SLC25A15: variants seen among roughly 807,000 people sequenced by gnomAD.
SLC25A15 encodes mitochondrial ornithine transporter 1.
Under a neutral mutation model 32.3 loss-of-function variants are expected in SLC25A15, and 24 were observed. That is an observed-to-expected ratio of 0.74 (90% CI 0.54 to 1.04). The LOEUF (loss-of-function observed/expected upper bound fraction) is 1.04. SLC25A15 is among the 50% of genes least tolerant of loss of function. The probability of loss-of-function intolerance (pLI) is 0.00; values close to 1 mark genes in which losing one functional copy is unlikely to be tolerated. For synonymous variants in SLC25A15, 132 were observed against 142.1 expected (o/e 0.93, Z 0.51); for missense variants, 317 against 374.5 (o/e 0.85, Z 1.27).
chr13:40,795,865 A>C (rs1297564866), intron 2 of SLC25A15, among the ~76,000 whole-genome samples: 1 of 152,234 alleles, frequency 6.6e-6, no homozygotes, highest in Non-Finnish European at 1.5e-5. Context: ...AAAGGCCCAC[A>C]GAGGAGCAGT....
chr13:40,799,171 A>G lies in SLC25A15; in HGVS notation c.170A>G (p.Gln57Arg). 3 of 1,614,200 alleles carry G rather than the reference A, an allele frequency of 1.9e-6. No individual in the cohort carries two copies. The highest frequency in any genetic ancestry group is 2.5e-6 in the Non-Finnish European group (3 of 1,180,030). Reference sequence around the variant, plus strand: ...GACTGCTGCCTGAAGACTTACTCCCAGGTGGGCTTCCGTGGCTTCTACAAG... The same window carrying G: ...GACTGCTGCCTGAAGACTTACTCCCGGGTGGGCTTCCGTGGCTTCTACAAG... ...LTDCCLKTYS[Q>R]VGFRGFYKGT... is the part of the protein sequence containing the mutation. The change falls in exon 3 of 7, where the codon CAG becomes CGG. Residue 57 changes from glutamine (Q) to arginine (R), a missense_variant. Physicochemically the swap from Gln to Arg is conservative, Grantham distance 43 (BLOSUM62 1). Transcript: ENST00000338625.
chr13:40,793,493 C>G (rs757425166), intron 2 of SLC25A15, among the ~76,000 whole-genome samples: 4 of 152,170 alleles, frequency 2.6e-5, no homozygotes, highest in Non-Finnish European at 2.9e-5. Context: ...ATAGGCCATA[C>G]CGAATAGCCT....
chr13:40,794,794 C>G (rs192527690), intron 2 of SLC25A15, among the ~76,000 whole-genome samples: 1 of 152,048 alleles, frequency 6.6e-6, no homozygotes, highest in Non-Finnish European at 1.5e-5. Context: ...GCACACCCCC[C>G]ACCCCCACCA....
At chr13:40,799,420 G>A (rs1881797184) in intron 3 of SLC25A15, 105 bp downstream of exon 3, 2 of 1,442,944 alleles carry the variant, frequency 1.4e-6, no homozygotes. Context: ...GGAGGCAAAG[G>A]CAGGAAAATG....
rs142548211 is a variant in SLC25A15, at chr13:40,808,651, G to C, written c.781+55G>C. On this transcript the variant is annotated intron_variant, in intron 6 of 6. Coordinates refer to ENST00000338625, the MANE Select transcript of SLC25A15 (RefSeq NM_014252.4). The stretch of plus-strand genomic sequence containing the variant: ...ATATACATCTTAAAATCTGAGATAC[G>C]GGCCGGGCGTGGTGGCTCATGCCTG... 3.9e-6 allele frequency: 6 copies of C among 1,534,594 alleles called. No individual in the cohort carries two copies. The African/African-American group carries it at 5.4e-5, about 14-fold the overall frequency.
Position 40,811,822 on chromosome 13 carries a change from G to A in SLC25A15, c.*2155G>A, listed in dbSNP as rs1882467342. Among the ~76,000 whole-genome samples, 1 of 152,174 alleles carries A rather than the reference G, an allele frequency of 6.6e-6. No individual in the cohort carries two copies. Among genetic ancestry groups the A allele is most frequent in the Non-Finnish European group, 1.5e-5 (1 of 68,034 alleles). On this transcript the variant is annotated 3_prime_UTR_variant, in exon 7 of 7. Transcript: ENST00000338625. ...TTTCTGTCAGCAGAATGTACATGTT[G>A]TACAAAACCTCCAGGTTCCTTAAGC...
At position 40,793,994 on chromosome 13, in the gene SLC25A15, C is replaced by T. The variant is rs1881591693; in HGVS notation, c.55+713C>T. Among the ~76,000 whole-genome samples, 4 of 152,208 alleles carry T rather than the reference C, an allele frequency of 2.6e-5. No homozygotes were observed. In the South Asian group the frequency reaches 8.3e-4, roughly 32 times the overall value. On this transcript the variant is annotated intron_variant, in intron 2 of 6. Transcript: ENST00000338625. ...TAACACCATAGCATCTCCTGGGAAA[C>T]ACCACTTACTGTCCCTGCTAGTGTT...
chr13:40,799,150 G>A lies in SLC25A15; in HGVS notation c.149G>A (p.Cys50Tyr), dbSNP rs758838019. Residue 50 changes from cysteine (C) to tyrosine (Y), a missense_variant, in exon 3 of 7, where the codon TGC (cysteine) becomes TAC (tyrosine). By Grantham distance (194) the Cys-to-Tyr change is radical (BLOSUM62 -2). Coordinates refer to ENST00000338625, the MANE Select transcript of SLC25A15 (RefSeq NM_014252.4). ...GACCTGTACCGGGGCCTCACCGACTGCTGCCTGAAGACTTACTCCCAGGTG... is the reference window on the plus strand; with the variant it reads ...GACCTGTACCGGGGCCTCACCGACTACTGCCTGAAGACTTACTCCCAGGTG... ...FPDLYRGLTD[C>Y]CLKTYSQVGF... The A allele has an allele frequency of 6.2e-7, 1 of 1,614,208 alleles. No homozygotes were observed. The highest frequency in any genetic ancestry group is 2.2e-5 in the East Asian group (1 of 44,888).
chr13:40,790,336 C>T (rs1316101506), intron 1 of SLC25A15, among the ~76,000 whole-genome samples: 1 of 152,210 alleles, frequency 6.6e-6, no homozygotes, highest in Non-Finnish European at 1.5e-5. Flanking sequence ...TCCTCAGTTG[C>T]ACCCTGGTGT....
At chr13:40,798,596 G>T in intron 2 of SLC25A15, 1 of 183,472 alleles carries the variant, frequency 5.5e-6, no homozygotes, top group Non-Finnish European at 1.0e-5. Context: ...CGTTTCTTGT[G>T]CACACAGTAG....
chr13:40,799,025 C>G, intron 2 of SLC25A15, 32 bp from the exon 3 acceptor site: 1 of 1,614,098 alleles, frequency 6.2e-7, no homozygotes, highest in East Asian at 2.2e-5. Context: ...ACTGTAGCCT[C>G]GTACTAGAGC....
intron 3 of SLC25A15, among the ~76,000 whole-genome samples, chr13:40,800,037 T>C (rs1468648384): frequency 6.6e-6 from 1 of 152,260 alleles, no homozygotes; most frequent in African/African-American, 2.4e-5. Context: ...TGTTTAGCTA[T>C]CCCTGCTTTG....
Position 40,790,767 on chromosome 13 carries a change from A to G in SLC25A15, c.-70+1104A>G, listed in dbSNP as rs147622306. On this transcript the variant is annotated intron_variant, in intron 1 of 6. Coordinates refer to ENST00000338625, the MANE Select transcript of SLC25A15 (RefSeq NM_014252.4). The stretch of plus-strand genomic sequence containing the variant: ...CACGCCAGGCTAATTTTGTATTTTT[A>G]ATAGAGACGGGGGTTTCTCATGTTG... Among the ~76,000 whole-genome samples the G allele has an allele frequency of 5.8e-3, 880 of 152,208 alleles. 7 individuals carry two copies. Among genetic ancestry groups the G allele is most frequent in the South Asian group, 0.014 (66 of 4,826 alleles).
intron 6 of SLC25A15, among the ~76,000 whole-genome samples, chr13:40,808,905 A>C (rs546210792): frequency 7.2e-6 from 1 of 138,674 alleles, no homozygotes; most frequent in South Asian, 2.3e-4. Context: ...ACTGCACTCC[A>C]GCCTGGGCAA....
At chr13:40,809,419 GA>G in intron 6 of SLC25A15, 123 bp from the exon 7 acceptor site, 1 of 1,190,222 alleles carries the variant, frequency 8.4e-7, no homozygotes, top group Non-Finnish European at 1.3e-6. Flanking sequence ...ATCCTTCTAT[GA>G]CTTGTTGGTT....
At chr13:40,790,859 T>G (rs1424135535) in intron 1 of SLC25A15, among the ~76,000 whole-genome samples, 2 of 152,228 alleles carry the variant, frequency 1.3e-5, no homozygotes, top group Non-Finnish European at 2.9e-5. Context: ...AGTGCTGGGA[T>G]TACAGGCGTG....
intron 2 of SLC25A15, among the ~76,000 whole-genome samples, chr13:40,795,966 G>A (rs1213420121): frequency 1.3e-5 from 2 of 152,206 alleles, no homozygotes; most frequent in African/African-American, 4.8e-5. Flanking sequence ...TGCTGTCTCT[G>A]CTTTAGTACT....
In SLC25A15 at chr13:40,810,778, G is replaced by T. The variant is rs752084290; in HGVS notation, c.*1111G>T. On this transcript the variant is annotated 3_prime_UTR_variant, in exon 7 of 7. Transcript: ENST00000338625. The stretch of plus-strand genomic sequence containing the variant: ...CCTTCTTGGGCTTTAGATTGAGGAA[G>T]GGGCTGAGTGGTAGGCGGTGCTGCT... 7.3e-5 allele frequency: 39 copies of T among 534,672 alleles called. No individual in the cohort carries two copies. In the Middle Eastern group the frequency reaches 1.9e-3, roughly 26 times the overall value. 33.1% of individuals were successfully genotyped at this position (534,672 alleles called of 1,614,324 possible). A position where few individuals can be genotyped will look rare whatever the true frequency, so the allele number is the denominator to read the frequency against.
intron 4 of SLC25A15, among the ~76,000 whole-genome samples, chr13:40,806,757 T>C (rs751825718): frequency 2.0e-5 from 3 of 152,242 alleles, no homozygotes; most frequent in Non-Finnish European, 2.9e-5. Flanking sequence ...GGGATAAACC[T>C]GCCCTGGTTG....
Sources: gnomAD v4.1 joint callset for allele counts (sites outside exome capture counted in the v4.1 genomes callset) on GRCh38, gnomAD v4.1.1 for gene constraint, MANE v1.5 for transcripts, NCBI Gene and HGNC (gene_info 2026-07-23, HGNC 2026-07-21) for gene names.